The following PPEF1 variants were observed in gnomAD, a reference collection of about 807,000 sequenced individuals.
PPEF1 encodes the protein serine/threonine-protein phosphatase with EF-hands 1.
A neutral mutation model predicts 53.3 loss-of-function variants in PPEF1; 12 were observed. That is an observed-to-expected ratio of 0.23 (90% CI 0.14 to 0.36). The LOEUF is 0.36. Ranked by LOEUF, PPEF1 falls within the 10% of genes least tolerant of loss-of-function variation. The probability of loss-of-function intolerance (pLI) is 1.00; values close to 1 mark genes in which losing one functional copy is unlikely to be tolerated. For synonymous variants in PPEF1, 165 were observed against 176.7 expected, an observed-to-expected ratio of 0.93 and a Z score of 0.52; for missense variants, 334 against 490.4, an observed-to-expected ratio of 0.68 and a Z score of 3.01.
chrX:18,797,504 T>G (rs982618386), intron 10 of PPEF1, among the ~76,000 whole-genome samples: 1 of 111,165 alleles, frequency 9.0e-6, no homozygotes, highest in African/African-American at 3.3e-5. Context: ...ATGACTCCCC[T>G]CTCTTTATTC....
At chrX:18,773,778 C>T (rs2045914980) in intron 6 of PPEF1, among the ~76,000 whole-genome samples, 1 of 111,781 alleles carries the variant, frequency 8.9e-6, no homozygotes, top group Non-Finnish European at 1.9e-5. Context: ...TCCTCTCTCT[C>T]TCTCTCAATA....
intron 7 of PPEF1, among the ~76,000 whole-genome samples, chrX:18,781,886 A>G (rs2046094012): frequency 9.0e-6 from 1 of 111,255 alleles, no homozygotes; most frequent in Admixed American, 9.5e-5. Flanking sequence ...CAGAGAGAGC[A>G]TAACAAGCCA....
At chrX:18,774,176 A>G (rs928479788) in intron 6 of PPEF1, among the ~76,000 whole-genome samples, 14 of 109,719 alleles carry the variant, frequency 1.3e-4, no homozygotes, top group Admixed American at 1.3e-3. Context: ...TGCAACCTCC[A>G]CCTCCCGGGT....
chrX:18,769,304 C>A (rs1464596247), intron 6 of PPEF1, among the ~76,000 whole-genome samples: 1 of 111,865 alleles, frequency 8.9e-6, no homozygotes, highest in African/African-American at 3.2e-5. Flanking sequence ...TTAGTTAGGT[C>A]ATATTTTTAG....
intron 6 of PPEF1, among the ~76,000 whole-genome samples, chrX:18,767,837 G>T (rs2047721030): frequency 9.0e-6 from 1 of 110,735 alleles, no homozygotes; most frequent in Non-Finnish European, 1.9e-5. Flanking sequence ...TGGTGAGGGG[G>T]TTGGGGGGTG....
chrX:18,787,896 G>C (rs1478667575), intron 9 of PPEF1, among the ~76,000 whole-genome samples: 26 of 111,945 alleles, frequency 2.3e-4, no homozygotes, highest in African/African-American at 6.8e-4. Context: ...GGTAGGCTGT[G>C]AACTAGCTAG....
chrX:18,810,076 C>CTGTG (rs199559695), intron 12 of PPEF1, among the ~76,000 whole-genome samples: 110 of 99,473 alleles, frequency 1.1e-3, no homozygotes, highest in South Asian at 3.0e-3. Context: ...AAAAAATCCT[C>CTGTG]TGTGTGTGTG....
chrX:18,794,790 C>G (rs985400938), intron 10 of PPEF1, among the ~76,000 whole-genome samples: 1 of 111,937 alleles, frequency 8.9e-6, no homozygotes, highest in Non-Finnish European at 1.9e-5. Flanking sequence ...AAACCATAGC[C>G]CTCTACTGGG....
intron 13 of PPEF1, among the ~76,000 whole-genome samples, chrX:18,821,778 AGAGAGAGAGAGAGAGAGAGAG>A (rs758247540): frequency 4.8e-5 from 5 of 103,216 alleles, no homozygotes; most frequent in African/African-American, 7.1e-5. Flanking sequence ...AGAGAGAGAG[AGAGAGAGAGAGAGAGAGAGAG>A]AGAGAAAACA....
At chrX:18,788,261 C>T (rs779509779) in intron 9 of PPEF1, among the ~76,000 whole-genome samples, 629 of 95,833 alleles carry the variant, frequency 6.6e-3, no homozygotes, top group Middle Eastern at 0.011. Flanking sequence ...GCCGAGATCG[C>T]GCCACTGCAC....
chrX:18,789,579 C>A (rs192389416), intron 10 of PPEF1, among the ~76,000 whole-genome samples: 60 of 112,082 alleles, frequency 5.4e-4, no homozygotes, highest in African/African-American at 1.9e-3. Flanking sequence ...AGCATCATTC[C>A]CCATTCCCTT....
At chrX:18,689,095 T>G (rs1206336808) in intron 3 of PPEF1, among the ~76,000 whole-genome samples, 1 of 111,146 alleles carries the variant, frequency 9.0e-6, no homozygotes, top group Non-Finnish European at 1.9e-5. Flanking sequence ...GACCTCTGCT[T>G]CTCGTCATGG....
intron 1 of PPEF1, among the ~76,000 whole-genome samples, chrX:18,726,496 A>G (rs1316510244): frequency 1.8e-5 from 2 of 111,563 alleles, no homozygotes; most frequent in East Asian, 2.8e-4. Flanking sequence ...TTCATACTAA[A>G]TAAGTGACTT....
At chrX:18,737,330 G>T (rs1489310022) in intron 3 of PPEF1, among the ~76,000 whole-genome samples, 1 of 111,744 alleles carries the variant, frequency 8.9e-6, no homozygotes, top group East Asian at 2.8e-4. Context: ...TGTTGTCTTT[G>T]TTCTCATTGG....
At chrX:18,825,913 TTTGA>T (rs1336785580) in intron 15 of PPEF1, 78 bp downstream of exon 15, 20 of 683,764 alleles carry the variant, frequency 2.9e-5, no homozygotes, top group Non-Finnish European at 3.7e-5. Context: ...ATGAGTACAC[TTTGA>T]TTGAGCCCTA....
chrX:18,729,397 A>T (rs1279040045), intron 1 of PPEF1, among the ~76,000 whole-genome samples: 1 of 111,974 alleles, frequency 8.9e-6, no homozygotes, highest in Non-Finnish European at 1.9e-5. Context: ...CCGGTCCATT[A>T]TGTGTTGTGT....
chrX:18,790,040 G>A (rs755122478), intron 10 of PPEF1, among the ~76,000 whole-genome samples: 1 of 112,073 alleles, frequency 8.9e-6, no homozygotes, highest in Non-Finnish European at 1.9e-5. Flanking sequence ...CCAAGTGGCT[G>A]CACCATTTTA....
Position 18,827,883 on chromosome X carries a change from G to T in PPEF1, c.*396G>T. The T allele has an allele frequency of 8.0e-6, 1 of 125,161 alleles. No homozygotes were observed. Among genetic ancestry groups the T allele is most frequent in the Non-Finnish European group, 1.6e-5 (1 of 61,232 alleles). 10.3% of individuals were successfully genotyped at this position (125,161 alleles called of 1,213,427 possible). A position where few individuals can be genotyped will look rare whatever the true frequency, so the allele number is the denominator to read the frequency against. On this transcript the variant is annotated 3_prime_UTR_variant, in exon 16 of 16. Coordinates refer to ENST00000470157, the MANE Select transcript of PPEF1 (RefSeq NM_001377996.1). ...ACTGAGGGAGACAGGAGGAATACCA[G>T]GTTATTCATGGAATAAAGTCTTTCC...
chrX:18,686,535 G>A (rs1001033091), intron 3 of PPEF1, among the ~76,000 whole-genome samples: 10 of 111,536 alleles, frequency 9.0e-5, no homozygotes, highest in African/African-American at 3.3e-4. Context: ...AAAAGTTGCT[G>A]TTGCTTGGGG....
Sources: gnomAD v4.1 joint callset for allele counts (sites outside exome capture counted in the v4.1 genomes callset) on GRCh38, gnomAD v4.1.1 for gene constraint, MANE v1.5 for transcripts, NCBI Gene and HGNC (gene_info 2026-07-23, HGNC 2026-07-21) for gene names.